Variants in KCNMA1 observed in about 807,000 individuals in gnomAD.
The protein encoded by KCNMA1 is potassium calcium-activated channel subfamily M alpha 1.
A neutral mutation model predicts 140.0 loss-of-function variants in KCNMA1; 29 were observed. That is an observed-to-expected ratio of 0.21 (90% CI 0.15 to 0.28). KCNMA1 has a LOEUF of 0.28. KCNMA1 is among the 10% of genes least tolerant of loss of function. The pLI is 1.00. For missense variants in KCNMA1, 880 were observed against 1,602.2 expected, an observed-to-expected ratio of 0.55 and a Z score of 7.70; for synonymous variants, 612 against 611.9, an observed-to-expected ratio of 1.00 and a Z score of 0.00.
intron 1 of KCNMA1, among the ~76,000 whole-genome samples, chr10:77,520,817 T>A (rs1265919748): frequency 6.6e-6 from 1 of 152,118 alleles, no homozygotes; most frequent in Non-Finnish European, 1.5e-5. Flanking sequence ...GCCTGTGACA[T>A]CCAAGAGACC....
At chr10:76,993,923 C>A (rs998018225) in intron 19 of KCNMA1, among the ~76,000 whole-genome samples, 5 of 152,240 alleles carry the variant, frequency 3.3e-5, no homozygotes, top group Admixed American at 1.3e-4. Flanking sequence ...GGAGGCCCCC[C>A]CAGGACTCTC....
At chr10:76,997,701 A>G (rs918801419) in intron 19 of KCNMA1, among the ~76,000 whole-genome samples, 8 of 152,218 alleles carry the variant, frequency 5.3e-5, no homozygotes, top group Admixed American at 4.6e-4. Flanking sequence ...ATCTACTTCT[A>G]TATTTATGTG....
chr10:77,297,791 GA>G (rs2075567977), intron 2 of KCNMA1, among the ~76,000 whole-genome samples: 1 of 152,140 alleles, frequency 6.6e-6, no homozygotes, highest in South Asian at 2.1e-4. Context: ...TTACTCCCAA[GA>G]TCTAAACATG....
At chr10:77,165,007 T>C (rs575080669) in intron 5 of KCNMA1, among the ~76,000 whole-genome samples, 1 of 152,098 alleles carries the variant, frequency 6.6e-6, no homozygotes, top group Admixed American at 6.5e-5. Context: ...CATGCCATAA[T>C]AGAAAGAAAA....
At chr10:77,083,502 A>G (rs1398900464) in intron 12 of KCNMA1, among the ~76,000 whole-genome samples, 5 of 74,460 alleles carry the variant, frequency 6.7e-5, no homozygotes, top group East Asian at 1.1e-3. Context: ...GATGTTCTGT[A>G]AAAAAAAAAA....
intron 14 of KCNMA1, among the ~76,000 whole-genome samples, chr10:77,069,486 A>G (rs2096097931): frequency 6.6e-6 from 1 of 152,218 alleles, no homozygotes; most frequent in African/African-American, 2.4e-5. Context: ...GAAGCTGTAG[A>G]GGGCATGCCT....
At chr10:77,230,523 A>G (rs1011645919) in intron 3 of KCNMA1, among the ~76,000 whole-genome samples, 2 of 152,342 alleles carry the variant, frequency 1.3e-5, no homozygotes, top group Non-Finnish European at 2.9e-5. Flanking sequence ...ATTGCACTGC[A>G]TTCTTTGTGG....
intron 19 of KCNMA1, among the ~76,000 whole-genome samples, chr10:76,984,444 C>A (rs2080593201): frequency 6.6e-6 from 1 of 152,148 alleles, no homozygotes. Flanking sequence ...CCCGCCTCAG[C>A]CTCCCAAAGT....
chr10:77,395,729 T>G (rs1229382335), intron 2 of KCNMA1, among the ~76,000 whole-genome samples: 1 of 152,328 alleles, frequency 6.6e-6, no homozygotes, highest in Non-Finnish European at 1.5e-5. Context: ...ATTAAAGCCA[T>G]GAGGATAAAG....
chr10:76,887,088 G>T lies in KCNMA1; in HGVS notation c.*178C>A. The T allele has an allele frequency of 6.5e-7, 1 of 1,550,370 alleles. No homozygotes were observed. Among genetic ancestry groups the T allele is most frequent in the East Asian group, 2.3e-5 (1 of 43,018 alleles). ...TGCTTATTTGCTGTTGTGCTCAAGG[G>T]TTTTATGGTGGTGAAATAAAAATGA... On this transcript the variant is annotated 3_prime_UTR_variant, in exon 28 of 28. Transcript: ENST00000286628.
At chr10:77,188,454 C>A (rs767062315) in intron 3 of KCNMA1, among the ~76,000 whole-genome samples, 1 of 152,112 alleles carries the variant, frequency 6.6e-6, no homozygotes, top group Non-Finnish European at 1.5e-5. Context: ...TCTAGGCTCC[C>A]ATAATCCATG....
At chr10:77,399,506 T>C (rs539432834) in intron 2 of KCNMA1, among the ~76,000 whole-genome samples, 2 of 152,208 alleles carry the variant, frequency 1.3e-5, no homozygotes, top group Admixed American at 1.3e-4. Flanking sequence ...TAATGTAGAA[T>C]CCCTCAGCCA....
intron 18 of KCNMA1, among the ~76,000 whole-genome samples, chr10:77,008,959 G>T (rs1390963427): frequency 6.6e-6 from 1 of 152,190 alleles, no homozygotes; most frequent in Non-Finnish European, 1.5e-5. Context: ...ACATGGGGAG[G>T]TTTATTTTTA....
At chr10:77,518,495 A>G (rs188909925) in intron 1 of KCNMA1, among the ~76,000 whole-genome samples, 189 of 152,314 alleles carry the variant, frequency 1.2e-3, no homozygotes, top group African/African-American at 4.4e-3. Context: ...ACACTCTAGT[A>G]TGAATCCGTC....
chr10:77,193,442 C>T (rs573319264), intron 3 of KCNMA1, among the ~76,000 whole-genome samples: 6 of 152,290 alleles, frequency 3.9e-5, no homozygotes, highest in African/African-American at 1.4e-4. Context: ...ATTCTACTCA[C>T]TCGTTCCACT....
intron 3 of KCNMA1, among the ~76,000 whole-genome samples, chr10:77,241,964 G>A (rs2057375682): frequency 6.6e-6 from 1 of 152,138 alleles, no homozygotes; most frequent in South Asian, 2.1e-4. Context: ...GGAAATCACA[G>A]CACGGAGCTG....
At chr10:77,178,318 A>G (rs1313316418) in intron 5 of KCNMA1, among the ~76,000 whole-genome samples, 2 of 152,172 alleles carry the variant, frequency 1.3e-5, no homozygotes, top group Non-Finnish European at 2.9e-5. Flanking sequence ...AGCACACAGT[A>G]GGTAATAAAA....
intron 2 of KCNMA1, among the ~76,000 whole-genome samples, chr10:77,254,888 C>T (rs549034768): frequency 1.3e-5 from 2 of 152,286 alleles, no homozygotes; most frequent in African/African-American, 4.8e-5. Context: ...CATCCCTGCC[C>T]TACAGCAGCT....
chr10:77,221,463 T>C (rs1321587070), intron 3 of KCNMA1, among the ~76,000 whole-genome samples: 1 of 152,072 alleles, frequency 6.6e-6, no homozygotes, highest in Non-Finnish European at 1.5e-5. Flanking sequence ...AGACCTACTA[T>C]TTGATAGCAC....
Sources: allele counts gnomAD v4.1 joint callset (sites outside exome capture counted in the v4.1 genomes callset), GRCh38; gene constraint gnomAD v4.1.1; transcripts MANE v1.5; gene names NCBI Gene and HGNC (gene_info 2026-07-23, HGNC 2026-07-21).